Variants in SCNN1G observed in about 807,000 individuals in gnomAD.
SCNN1G encodes epithelial sodium channel subunit gamma.
SCNN1G carries 27 observed loss-of-function variants against 64.6 expected under a neutral mutation model. The ratio of observed to expected loss-of-function variants is 0.42; its 90% confidence interval spans 0.31 to 0.58. The LOEUF (loss-of-function observed/expected upper bound fraction) is 0.58. Ranked by LOEUF, SCNN1G falls within the 20% of genes least tolerant of loss-of-function variation. The probability of loss-of-function intolerance (pLI) is 0.18; values close to 1 mark genes in which losing one functional copy is unlikely to be tolerated. For synonymous variants in SCNN1G, 330 were observed against 314.2 expected, an observed-to-expected ratio of 1.05 and a Z score of -0.53; for missense variants, 743 against 823.4, an observed-to-expected ratio of 0.90 and a Z score of 1.19.
chr16:23,212,201 C>A, intron 8 of SCNN1G, 50 bp downstream of exon 8: 1 of 1,257,360 alleles, frequency 8.0e-7, no homozygotes, highest in Non-Finnish European at 1.2e-6. Context: ...CAGGGTCAGC[C>A]TAGTCCTGGC....
At chr16:23,189,264 G>C in intron 2 of SCNN1G, 107 bp from the exon 3 acceptor site, 2 of 1,153,552 alleles carry the variant, frequency 1.7e-6, no homozygotes, top group East Asian at 4.7e-5. Flanking sequence ...AGTTGGGAAA[G>C]GTGGGCATGA....
At chr16:23,195,008 A>G (rs1238341578) in intron 5 of SCNN1G, 1 of 152,508 alleles carries the variant, frequency 6.6e-6, no homozygotes, top group Non-Finnish European at 1.5e-5. Context: ...CCATGTCCTC[A>G]GATGGCCTTT....
At chr16:23,209,666 A>C in intron 6 of SCNN1G, 84 bp from the exon 7 acceptor site, 1 of 976,054 alleles carries the variant, frequency 1.0e-6, no homozygotes, top group Non-Finnish European at 1.7e-6. Flanking sequence ...CTGCTTGCAA[A>C]GTCCCCTGTC....
At chr16:23,196,153 G>A (rs28608825) in intron 5 of SCNN1G, 1 of 152,190 alleles carries the variant, frequency 6.6e-6, no homozygotes, top group Admixed American at 6.6e-5. Context: ...GGGTCAGGAT[G>A]GGGGGGTTAG....
At chr16:23,196,673 G>T (rs13335767) in intron 5 of SCNN1G, 32,075 of 156,072 alleles carry the variant, frequency 0.21, 3,442 homozygotes, top group Non-Finnish European at 0.22. Flanking sequence ...AGCCCAGAGA[G>T]GGGAAGTGAA....
At chr16:23,213,248 T>TCC in intron 11 of SCNN1G, 85 bp downstream of exon 11, 2 of 733,172 alleles carry the variant, frequency 2.7e-6, no homozygotes, top group Non-Finnish European at 4.6e-6. Flanking sequence ...TATGGCCAAA[T>TCC]CCTCTTTTTT....
intron 6 of SCNN1G, among the ~76,000 whole-genome samples, chr16:23,199,733 A>G (rs1461428062): frequency 3.3e-5 from 4 of 119,536 alleles, no homozygotes; most frequent in Non-Finnish European, 6.3e-5. Context: ...GTGCAGTGGC[A>G]TGATCTTGGC....
intron 3 of SCNN1G, among the ~76,000 whole-genome samples, chr16:23,191,813 G>A (rs1164684844): frequency 6.6e-6 from 1 of 152,188 alleles, no homozygotes; most frequent in Non-Finnish European, 1.5e-5. Context: ...TCTCTATAAA[G>A]TTCTCATTGT....
At position 23,187,110 on chromosome 16, in the gene SCNN1G, T is replaced by C. The variant is rs111312417; in HGVS notation, c.317+522T>C. Reference sequence around the variant, plus strand: ...AGCCACAGTACCTGGCCTTTTCTTTTTTTTTTTTTTTTTTTGGAGGCAGGG... The same window carrying C: ...AGCCACAGTACCTGGCCTTTTCTTTCTTTTTTTTTTTTTTTGGAGGCAGGG... On this transcript the variant is annotated intron_variant, in intron 2 of 12. Coordinates refer to ENST00000300061, the MANE Select transcript of SCNN1G (RefSeq NM_001039.4). Among the ~76,000 whole-genome samples the C allele has an allele frequency of 3.9e-3, 568 of 145,598 alleles. 5 individuals are homozygous for C. In the Middle Eastern group the frequency reaches 0.051, roughly 13 times the overall value.
At chr16:23,188,446 AG>A (rs2141928711) in intron 2 of SCNN1G, among the ~76,000 whole-genome samples, 1 of 152,264 alleles carries the variant, frequency 6.6e-6, no homozygotes, top group East Asian at 1.9e-4. Context: ...CAGGAGTTCT[AG>A]GCTGCAGGGA....
chr16:23,185,082 T>C (rs959497366), intron 1 of SCNN1G, among the ~76,000 whole-genome samples: 5 of 152,194 alleles, frequency 3.3e-5, no homozygotes, highest in Admixed American at 1.3e-4. Context: ...ACCAGGCCCC[T>C]CAAAGGCGTA....
intron 5 of SCNN1G, chr16:23,194,969 T>A (rs7200952): frequency 0.35 from 53,355 of 152,352 alleles, 9,981 homozygotes; most frequent in East Asian, 0.72. Context: ...CTTCTCTCTT[T>A]GGGTTGCAGA....
At chr16:23,196,958 G>A (rs959388349) in intron 5 of SCNN1G, among the ~76,000 whole-genome samples, 2 of 152,228 alleles carry the variant, frequency 1.3e-5, no homozygotes, top group African/African-American at 2.4e-5. Flanking sequence ...GGACCACATG[G>A]AGATTCATGT....
At chr16:23,212,601 G>T (rs1960097586) in intron 8 of SCNN1G, 77 bp from the exon 9 acceptor site, 6 of 1,101,506 alleles carry the variant, frequency 5.4e-6, no homozygotes, top group Non-Finnish European at 8.4e-6. Context: ...CTGCGGGGCT[G>T]TCCTTGGTGA....
At chr16:23,197,989 G>A (rs1193998091) in intron 6 of SCNN1G, among the ~76,000 whole-genome samples, 1 of 152,156 alleles carries the variant, frequency 6.6e-6, no homozygotes, top group African/African-American at 2.4e-5. Context: ...CAAGGCATTA[G>A]GACACTAACT....
At chr16:23,191,818 C>T (rs1024353648) in intron 3 of SCNN1G, among the ~76,000 whole-genome samples, 2 of 152,190 alleles carry the variant, frequency 1.3e-5, no homozygotes, top group Non-Finnish European at 2.9e-5. Flanking sequence ...ATAAAGTTCT[C>T]ATTGTATATT....
Position 23,197,352 on chromosome 16 carries a change from G to A in SCNN1G, c.1002G>A (p.Gln334=), listed in dbSNP as rs768532837. 3.7e-6 allele frequency: 6 copies of A among 1,614,046 alleles called. No homozygotes were observed. Among genetic ancestry groups the A allele is most frequent in the Admixed American group, 3.3e-5 (2 of 60,034 alleles). ...STGAKVIIHR[Q]DEYPFVEDVG... is the part of the protein sequence containing the mutation. ...GAGCTAAGGTGATCATCCATCGGCAGGATGAGTATCCCTTCGTCGAAGATG... is the reference window on the plus strand; with the variant it reads ...GAGCTAAGGTGATCATCCATCGGCAAGATGAGTATCCCTTCGTCGAAGATG... The change falls in exon 6 of 13, where the codon CAG becomes CAA. Residue 334 remains glutamine (Q), a synonymous_variant. Coordinates refer to ENST00000300061, the MANE Select transcript of SCNN1G (RefSeq NM_001039.4).
In SCNN1G at chr16:23,186,511, T is replaced by C. The variant is rs369855776; in HGVS notation, c.240T>C (p.Thr80=). 2 of 1,614,032 alleles carry C rather than the reference T, an allele frequency of 1.2e-6. No individual in the cohort carries two copies. The highest frequency in any genetic ancestry group is 1.7e-6 in the Non-Finnish European group (2 of 1,180,030). The change falls in exon 2 of 13, where the codon ACT becomes ACC. Residue 80 remains threonine, a synonymous_variant. Coordinates refer to ENST00000300061, the MANE Select transcript of SCNN1G (RefSeq NM_001039.4). ...QCALLVFSFY[T]VSVSIKVHFR... ...CCCTCCTCGTCTTCTCCTTCTATAC[T>C]GTCTCAGTTTCCATCAAAGTCCACT...
Position 23,192,336 on chromosome 16 carries a change from C to A in SCNN1G, c.619-16C>A. 2 of 1,610,642 alleles carry A rather than the reference C, an allele frequency of 1.2e-6. No individual in the cohort carries two copies. Among genetic ancestry groups the A allele is most frequent in the Non-Finnish European group, 1.7e-6 (2 of 1,176,876 alleles). On this transcript the variant is annotated splice_polypyrimidine_tract_variant and intron_variant, in intron 3 of 12. Coordinates refer to ENST00000300061, the MANE Select transcript of SCNN1G (RefSeq NM_001039.4). ...AGGACCGATGGCTTCAGCCTCGCAT[C>A]TCCTCTTATTCACAGTGCTCAAATG...
Sources: gnomAD v4.1 joint callset for allele counts (sites outside exome capture counted in the v4.1 genomes callset) on GRCh38, gnomAD v4.1.1 for gene constraint, MANE v1.5 for transcripts, NCBI Gene and HGNC (gene_info 2026-07-23, HGNC 2026-07-21) for gene names.